Variants in HYDIN observed in about 807,000 individuals in gnomAD.
The protein encoded by HYDIN is axonemal central pair apparatus protein HYDIN.
A neutral mutation model predicts 403.9 loss-of-function variants in HYDIN; 132 were observed. That is an observed-to-expected ratio of 0.33 (90% CI 0.28 to 0.38). HYDIN has a LOEUF of 0.38. Among genes scored for constraint, HYDIN ranks in the 10% least tolerant of loss-of-function variants. The pLI, the probability that HYDIN is intolerant of heterozygous loss-of-function variation, is 1.00. For missense variants in HYDIN, 2,827 were observed against 5,009.5 expected, an observed-to-expected ratio of 0.56 and a Z score of 13.15; for synonymous variants, 1,202 against 1,891.7, an observed-to-expected ratio of 0.64 and a Z score of 9.46.
At chr16:70,913,419 A>T (rs1202690411) in intron 47 of HYDIN, among the ~76,000 whole-genome samples, 2 of 151,562 alleles carry the variant, frequency 1.3e-5, no homozygotes, top group Admixed American at 6.6e-5. Flanking sequence ...TTTAATTTTC[A>T]TGTATTTGCA....
chr16:71,118,489 G>C (rs1238438429), intron 9 of HYDIN, among the ~76,000 whole-genome samples: 4 of 151,874 alleles, frequency 2.6e-5, no homozygotes, highest in African/African-American at 9.7e-5. Flanking sequence ...TACTCAGTTT[G>C]CACACTGTGT....
At chr16:70,938,430 C>G (rs2077563531) in intron 44 of HYDIN, among the ~76,000 whole-genome samples, 184 bp downstream of exon 44, 1 of 152,220 alleles carries the variant, frequency 6.6e-6, no homozygotes, top group Non-Finnish European at 1.5e-5. Context: ...CTGAATGGTG[C>G]AGCAGCCAGC....
At chr16:70,951,705 A>C (rs1271137195) in intron 41 of HYDIN, among the ~76,000 whole-genome samples, 2 of 150,326 alleles carry the variant, frequency 1.3e-5, no homozygotes, top group Non-Finnish European at 3.0e-5. Context: ...CAGGGGTTCC[A>C]TTCTTTATAG....
chr16:71,221,684 T>A (rs1933753456), intron 1 of HYDIN, among the ~76,000 whole-genome samples: 1 of 152,198 alleles, frequency 6.6e-6, no homozygotes, highest in Non-Finnish European at 1.5e-5. Flanking sequence ...CTAAGAAGAA[T>A]GTATTTGATA....
At chr16:70,819,826 G>A (rs1284266552) in intron 83 of HYDIN, among the ~76,000 whole-genome samples, 1 of 148,744 alleles carries the variant, frequency 6.7e-6, no homozygotes, top group Non-Finnish European at 1.5e-5. Context: ...CTTTTTTTTT[G>A]AGATGGAGTC....
rs762455333 is a variant in HYDIN, at chr16:71,069,217, T to G, written c.1974+50A>C. 8.7e-6 allele frequency: 13 copies of G among 1,498,124 alleles called. No homozygotes were observed. The East Asian group carries it at 3.1e-4, about 35-fold the overall frequency. The allele number at this position is 1,498,124 out of a possible 1,614,324, so 92.8% of individuals were successfully genotyped here. On this transcript the variant is annotated intron_variant, in intron 14 of 85. Coordinates refer to ENST00000393567, the MANE Select transcript of HYDIN (RefSeq NM_001270974.2). ...CCCTAGATGAGGGCCCATGACTATT[T>G]TGAAGGCTCAGCTGCTTAGCTGTGT...
intron 1 of HYDIN, among the ~76,000 whole-genome samples, chr16:71,195,540 T>C (rs546707543): frequency 2.6e-5 from 4 of 152,226 alleles, no homozygotes; most frequent in Non-Finnish European, 5.9e-5. Context: ...TCACTGAGTA[T>C]AAGGATTAAT....
At chr16:71,135,907 A>G (rs1043254262) in intron 8 of HYDIN, among the ~76,000 whole-genome samples, 62 of 150,248 alleles carry the variant, frequency 4.1e-4, no homozygotes, top group Non-Finnish European at 6.7e-4. Context: ...TTCTGATTCA[A>G]TTAGGGACTG....
chr16:71,078,826 C>T (rs2082696808), intron 13 of HYDIN, among the ~76,000 whole-genome samples: 1 of 152,144 alleles, frequency 6.6e-6, no homozygotes, highest in African/African-American at 2.4e-5. Flanking sequence ...TGATGTTGCC[C>T]AGATTTGCTA....
chr16:71,218,134 T>G (rs954704794), intron 1 of HYDIN, among the ~76,000 whole-genome samples: 1 of 152,232 alleles, frequency 6.6e-6, no homozygotes, highest in African/African-American at 2.4e-5. Flanking sequence ...AGGAATTTCA[T>G]GCACTAGCCA....
intron 23 of HYDIN, among the ~76,000 whole-genome samples, chr16:71,014,558 G>A (rs913162581): frequency 1.3e-5 from 2 of 151,368 alleles, no homozygotes; most frequent in Non-Finnish European, 2.9e-5. Flanking sequence ...CTGATGAGGA[G>A]TGGGGACAGA....
intron 44 of HYDIN, among the ~76,000 whole-genome samples, chr16:70,938,073 A>T (rs1188955324): frequency 6.6e-6 from 1 of 152,222 alleles, no homozygotes; most frequent in African/African-American, 2.4e-5. Flanking sequence ...AGGATTGAGG[A>T]TCTGCCCAGG....
chr16:70,984,005 A>G (rs1048096717), intron 28 of HYDIN, among the ~76,000 whole-genome samples: 2 of 152,186 alleles, frequency 1.3e-5, no homozygotes, highest in Non-Finnish European at 2.9e-5. Flanking sequence ...TTTTTTCATT[A>G]TTAACTAAGA....
intron 83 of HYDIN, among the ~76,000 whole-genome samples, chr16:70,824,628 A>T (rs1210944837): frequency 6.7e-6 from 1 of 150,292 alleles, no homozygotes; most frequent in Non-Finnish European, 1.5e-5. Flanking sequence ...CCTGGGTTCA[A>T]GCAATTCTCT....
At chr16:70,978,865 C>T (rs372399676) in intron 30 of HYDIN, 49 bp downstream of exon 30, 53 of 1,505,014 alleles carry the variant, frequency 3.5e-5, no homozygotes, top group East Asian at 2.5e-4. Context: ...GCACTCTGCA[C>T]GCACCACCCT....
At chr16:70,955,818 T>C (rs2078216939) in intron 39 of HYDIN, among the ~76,000 whole-genome samples, 1 of 151,984 alleles carries the variant, frequency 6.6e-6, no homozygotes, top group African/African-American at 2.4e-5. Flanking sequence ...AAAAACAGAT[T>C]CTTTTTTTCT....
chr16:70,832,716 AG>A, intron 80 of HYDIN, 131 bp downstream of exon 80: 1 of 632,008 alleles, frequency 1.6e-6, no homozygotes, highest in Non-Finnish European at 2.8e-6. Flanking sequence ...TGAATATTCC[AG>A]CAGTGGAAAC....
At chr16:70,931,183 A>G (rs2077310525) in intron 45 of HYDIN, among the ~76,000 whole-genome samples, 1 of 142,606 alleles carries the variant, frequency 7.0e-6, no homozygotes, top group Admixed American at 6.9e-5. Context: ...CGTTTTTTGA[A>G]TTGGGTTTTC....
intron 58 of HYDIN, 87 bp downstream of exon 58, chr16:70,889,500 G>A: frequency 3.2e-6 from 1 of 316,794 alleles, no homozygotes. Flanking sequence ...TTCAAATCCT[G>A]TTATCCTAGG....
Sources: gnomAD v4.1 joint callset for allele counts (sites outside exome capture counted in the v4.1 genomes callset) on GRCh38, gnomAD v4.1.1 for gene constraint, MANE v1.5 for transcripts, NCBI Gene and HGNC (gene_info 2026-07-23, HGNC 2026-07-21) for gene names.